PRTFDC1: variants seen among roughly 807,000 people sequenced by gnomAD.
The protein encoded by PRTFDC1 is phosphoribosyl transferase domain containing 1.
A neutral mutation model predicts 34.6 loss-of-function variants in PRTFDC1; 38 were observed. The ratio of observed to expected loss-of-function variants is 1.10; its 90% CI spans 0.85 to 1.44. PRTFDC1 has a LOEUF of 1.44. Ranked by LOEUF, PRTFDC1 falls within the 40% of genes most tolerant of loss-of-function variation. The probability of loss-of-function intolerance (pLI) is 0.00; values close to 1 mark genes in which losing one functional copy is unlikely to be tolerated. For missense variants in PRTFDC1, 270 were observed against 283.0 expected (o/e 0.95, Z 0.33); for synonymous variants, 93 against 98.1 (o/e 0.95, Z 0.31).
At chr10:24,907,223 T>A (rs1285350290) in intron 3 of PRTFDC1, among the ~76,000 whole-genome samples, 1 of 147,494 alleles carries the variant, frequency 6.8e-6, no homozygotes, top group South Asian at 2.2e-4. Flanking sequence ...AAAAAAAAAA[T>A]GAAGTAAAAA....
At position 24,927,922 on chromosome 10, in the gene PRTFDC1, T is replaced by C. The variant is rs542354369; in HGVS notation, c.339+9262A>G. 3.9e-5 allele frequency among the ~76,000 whole-genome samples: 6 copies of C among 152,164 alleles called. No individual in the cohort carries two copies. The South Asian group carries it at 1.2e-3, about 32-fold the overall frequency. On this transcript the variant is annotated intron_variant, in intron 3 of 8. Coordinates refer to ENST00000320152, the MANE Select transcript of PRTFDC1 (RefSeq NM_020200.7). ...TTAAATGACCAAAGAGTAAAGACAA[T>C]GTTTTCTGTTATATTTCAGCTATTT... is the stretch of plus-strand genomic sequence containing the variant.
intron 3 of PRTFDC1, among the ~76,000 whole-genome samples, chr10:24,930,107 C>T (rs535011794): frequency 2.0e-5 from 3 of 152,144 alleles, no homozygotes; most frequent in Admixed American, 6.5e-5. Flanking sequence ...TCGGGTAGCT[C>T]AAGGGACTGC....
chr10:24,946,570 C>T (rs1476465636), intron 1 of PRTFDC1, among the ~76,000 whole-genome samples: 1 of 152,136 alleles, frequency 6.6e-6, no homozygotes, highest in African/African-American at 2.4e-5. Context: ...CTGGGACAAG[C>T]CTGCCAGCCA....
chr10:24,883,962 T>C (rs905423926), intron 3 of PRTFDC1, among the ~76,000 whole-genome samples: 2 of 151,860 alleles, frequency 1.3e-5, no homozygotes, highest in African/African-American at 2.4e-5. Context: ...TAGCTGGGAC[T>C]ACAGTCATGC....
chr10:24,924,003 C>T (rs1848833513), intron 3 of PRTFDC1, among the ~76,000 whole-genome samples: 1 of 152,140 alleles, frequency 6.6e-6, no homozygotes. Flanking sequence ...CTTCGTGACG[C>T]ATGCACAAGC....
chr10:24,931,049 A>G (rs1848964130), intron 3 of PRTFDC1, among the ~76,000 whole-genome samples: 1 of 152,206 alleles, frequency 6.6e-6, no homozygotes, highest in African/African-American at 2.4e-5. Flanking sequence ...TTGGAATCAT[A>G]CAAAATACAG....
chr10:24,907,592 T>C (rs374877659), intron 3 of PRTFDC1, among the ~76,000 whole-genome samples: 52 of 152,262 alleles, frequency 3.4e-4, no homozygotes, highest in African/African-American at 1.2e-3. Context: ...TGAGACTCTG[T>C]CTCAAAAAAA....
In PRTFDC1 at chr10:24,952,425, GC is replaced by G; in HGVS notation, c.48+102del. The G allele has an allele frequency of 7.6e-7, 1 of 1,309,242 alleles. No individual in the cohort carries two copies. Among genetic ancestry groups the G allele is most frequent in the South Asian group, 1.3e-5 (1 of 77,720 alleles). The allele number at this position is 1,309,242 out of a possible 1,614,324, so 81.1% of individuals were successfully genotyped here. A position where few individuals can be genotyped will look rare whatever the true frequency, so the allele number is the denominator to read the frequency against. On this transcript the variant is annotated intron_variant, in intron 1 of 8. Coordinates refer to ENST00000320152, the MANE Select transcript of PRTFDC1 (RefSeq NM_020200.7). This position sits in a 1 kb window ranked among gnomAD's most constrained non-coding sequence, Gnocchi z 5.1. ...CGCCGGGAGGGAGAACAAAGCGGTG[GC>G]CCTCTCTCTCCCCCGACGCACGGCA...
At chr10:24,949,664 T>A (rs370425819) in intron 1 of PRTFDC1, among the ~76,000 whole-genome samples, 15 of 152,242 alleles carry the variant, frequency 9.9e-5, no homozygotes, top group African/African-American at 3.6e-4. Context: ...TGGGCTCTCA[T>A]GCAAGCACCA....
intron 3 of PRTFDC1, among the ~76,000 whole-genome samples, chr10:24,901,941 C>A (rs1848456468): frequency 6.6e-6 from 1 of 152,172 alleles, no homozygotes; most frequent in South Asian, 2.1e-4. Context: ...CAGGTATCCA[C>A]CCACAAGGGC....
chr10:24,900,442 G>C (rs1319296074), intron 3 of PRTFDC1, among the ~76,000 whole-genome samples: 1 of 152,194 alleles, frequency 6.6e-6, no homozygotes, highest in Non-Finnish European at 1.5e-5. Context: ...TTTTGCATCT[G>C]AATTTTTCCT....
chr10:24,921,942 A>G (rs962219319), intron 3 of PRTFDC1, among the ~76,000 whole-genome samples: 1 of 152,200 alleles, frequency 6.6e-6, no homozygotes, highest in African/African-American at 2.4e-5. Context: ...TAAAACCATT[A>G]AACTCAAACT....
intron 6 of PRTFDC1, among the ~76,000 whole-genome samples, chr10:24,856,018 G>A (rs1384707992): frequency 7.0e-6 from 1 of 143,684 alleles, no homozygotes; most frequent in Non-Finnish European, 1.5e-5. Context: ...GGAGTCTGAA[G>A]CAAGAGAATT....
At chr10:24,938,141 C>T (rs2132609447) in intron 2 of PRTFDC1, among the ~76,000 whole-genome samples, 1 of 151,674 alleles carries the variant, frequency 6.6e-6, no homozygotes, top group African/African-American at 2.4e-5. Flanking sequence ...CAGGAGAATC[C>T]CTTGAACCAA....
intron 4 of PRTFDC1, among the ~76,000 whole-genome samples, chr10:24,869,512 T>A (rs1847841273): frequency 6.6e-6 from 1 of 152,228 alleles, no homozygotes; most frequent in Non-Finnish European, 1.5e-5. Context: ...ACCTACATGA[T>A]CCGTTGACTC....
chr10:24,886,768 T>G (rs763494058), intron 3 of PRTFDC1, among the ~76,000 whole-genome samples: 2 of 151,990 alleles, frequency 1.3e-5, no homozygotes, highest in Non-Finnish European at 2.9e-5. Flanking sequence ...CGTGCCACCA[T>G]GCCCAGCTAA....
chr10:24,858,446 C>G (rs1221069310), intron 4 of PRTFDC1, 37 bp from the exon 5 acceptor site: 15 of 1,605,390 alleles, frequency 9.3e-6, no homozygotes, highest in Non-Finnish European at 1.3e-5. Context: ...GAATGTGATG[C>G]CAATCTGACT....
chr10:24,923,967 T>C (rs929682760), intron 3 of PRTFDC1, among the ~76,000 whole-genome samples: 2 of 152,190 alleles, frequency 1.3e-5, no homozygotes, highest in African/African-American at 4.8e-5. Flanking sequence ...AATGACCTGA[T>C]GGAGCTGAAA....
intron 3 of PRTFDC1, among the ~76,000 whole-genome samples, chr10:24,877,274 A>C (rs1401857899): frequency 6.6e-6 from 1 of 152,106 alleles, no homozygotes; most frequent in Non-Finnish European, 1.5e-5. Flanking sequence ...GGCTACAGTG[A>C]TCCTCCTGCC....
Sources: allele counts gnomAD v4.1 joint callset (sites outside exome capture counted in the v4.1 genomes callset), GRCh38; gene constraint gnomAD v4.1.1; non-coding constraint Gnocchi (gnomAD v3.1); transcripts MANE v1.5; gene names NCBI Gene and HGNC (gene_info 2026-07-23, HGNC 2026-07-21).